Variants in NPAS3 observed in about 807,000 individuals in gnomAD.
NPAS3 encodes the protein neuronal PAS domain protein 3, also known as neuronal PAS domain-containing protein 3.
In NPAS3, 14 loss-of-function variants were observed where a neutral mutation model predicts 73.1. The observed-to-expected ratio is 0.19, with a 90% CI of 0.13 to 0.30. The LOEUF is 0.30. Ranked by LOEUF, NPAS3 falls within the 10% of genes least tolerant of loss-of-function variation. NPAS3 has a pLI of 1.00. For synonymous variants in NPAS3, 620 were observed against 541.5 expected (o/e 1.14, Z -2.01); for missense variants, 1,096 against 1,250.0 (o/e 0.88, Z 1.86).
intron 1 of NPAS3, among the ~76,000 whole-genome samples, chr14:32,954,355 G>T (rs1322207138): frequency 6.6e-6 from 1 of 152,016 alleles, no homozygotes; most frequent in East Asian, 1.9e-4. Flanking sequence ...ACTTTAACTT[G>T]TTTAAAGTTC....
intron 1 of NPAS3, among the ~76,000 whole-genome samples, chr14:32,950,513 C>A (rs2036440184): frequency 1.3e-5 from 2 of 151,988 alleles, no homozygotes; most frequent in African/African-American, 2.4e-5. Context: ...AGATCAGGAT[C>A]ATTTAAAAAA....
At chr14:33,173,351 A>G (rs752841517) in intron 2 of NPAS3, among the ~76,000 whole-genome samples, 1 of 152,228 alleles carries the variant, frequency 6.6e-6, no homozygotes, top group Non-Finnish European at 1.5e-5. Context: ...TGTTTGAAAC[A>G]TTTAAAAATG....
chr14:33,521,757 C>CA (rs1259143858), intron 4 of NPAS3, among the ~76,000 whole-genome samples: 23 of 152,206 alleles, frequency 1.5e-4, no homozygotes, highest in Admixed American at 1.3e-3. Context: ...AGGTTAGCAG[C>CA]ACATTTTTAT....
In NPAS3 at chr14:33,287,179, A is replaced by G. The variant is rs530329378; in HGVS notation, c.385+71753A>G. 3.3e-5 allele frequency among the ~76,000 whole-genome samples: 5 copies of G among 152,328 alleles called. 1 individual carries two copies. Among genetic ancestry groups the G allele is most frequent in the African/African-American group, 1.2e-4 (5 of 41,576 alleles). ...ATGTGAAAGTGGTTTTGGAATAACC[A>G]TATCTCTTGGAAATGCTGTGAAGCT... On this transcript the variant is annotated intron_variant, in intron 3 of 11. Coordinates refer to ENST00000356141, the Ensembl canonical transcript of NPAS3.
intron 6 of NPAS3, among the ~76,000 whole-genome samples, chr14:33,714,298 G>A (rs901280597): frequency 5.9e-5 from 8 of 134,456 alleles, no homozygotes; most frequent in African/African-American, 1.9e-4. Context: ...GCTCTATTAG[G>A]GAGACATTTT....
chr14:33,229,644 C>T lies in NPAS3; in HGVS notation c.385+14218C>T, dbSNP rs547694584. Among the ~76,000 whole-genome samples, 67 of 152,256 alleles carry T rather than the reference C, an allele frequency of 4.4e-4. 2 individuals are homozygous for T. In the South Asian group the frequency reaches 0.014, roughly 31 times the overall value. Reference sequence around the variant, plus strand: ...GTGAAGTCAGTCATTTCTTGGGTTGCTAGCTCAATGTTTTAGCAGAACAGC... The same window carrying T: ...GTGAAGTCAGTCATTTCTTGGGTTGTTAGCTCAATGTTTTAGCAGAACAGC... On this transcript the variant is annotated intron_variant, in intron 3 of 11. Transcript: ENST00000356141.
chr14:33,328,445 T>C (rs1428004999), intron 3 of NPAS3, among the ~76,000 whole-genome samples: 1 of 124,490 alleles, frequency 8.0e-6, no homozygotes, highest in Non-Finnish European at 1.6e-5. Context: ...CCTTTTCTTT[T>C]CTTTTTTTTT....
At chr14:33,235,153 G>A (rs1201900173) in intron 3 of NPAS3, among the ~76,000 whole-genome samples, 2 of 151,960 alleles carry the variant, frequency 1.3e-5, no homozygotes, top group East Asian at 1.9e-4. Context: ...TTTGATGAAC[G>A]AATTCCTCTA....
intron 5 of NPAS3, among the ~76,000 whole-genome samples, chr14:33,623,325 C>T (rs1351739069): frequency 6.6e-6 from 1 of 152,204 alleles, no homozygotes; most frequent in African/African-American, 2.4e-5. Flanking sequence ...CTTACTACCA[C>T]TTCCCACCCT....
intron 3 of NPAS3, among the ~76,000 whole-genome samples, chr14:33,247,928 C>T (rs1022814049): frequency 2.0e-5 from 3 of 152,196 alleles, no homozygotes; most frequent in African/African-American, 7.2e-5. Context: ...CCCAGGAGGG[C>T]AGTGTTTGCA....
intron 5 of NPAS3, among the ~76,000 whole-genome samples, chr14:33,656,819 G>C (rs112964992): frequency 2.6e-5 from 4 of 152,136 alleles, no homozygotes; most frequent in Non-Finnish European, 5.9e-5. Context: ...CTTATTCTGT[G>C]TATCTAAAAC....
At chr14:33,453,832 A>G (rs755075140) in intron 4 of NPAS3, among the ~76,000 whole-genome samples, 2 of 152,066 alleles carry the variant, frequency 1.3e-5, no homozygotes, top group Non-Finnish European at 2.9e-5. Context: ...TAATCCTCCT[A>G]ATGGTCTGAT....
rs1341057469 is a variant in NPAS3, at chr14:33,312,772, A to G, written c.386-54414A>G. Among the ~76,000 whole-genome samples, 6 of 152,188 alleles carry G rather than the reference A, an allele frequency of 3.9e-5. No individual in the cohort carries two copies. The South Asian group carries it at 1.0e-3, about 26-fold the overall frequency. On this transcript the variant is annotated intron_variant, in intron 3 of 11. Transcript: ENST00000356141. ...TTCTCAGATGTTGTGAGGATGACTG[A>G]AACAAAATCAAATAGAAAACAAAAG...
chr14:33,031,823 A>C (rs913053621), intron 1 of NPAS3, among the ~76,000 whole-genome samples: 1 of 152,248 alleles, frequency 6.6e-6, no homozygotes, highest in African/African-American at 2.4e-5. Flanking sequence ...TTTTGTGAAC[A>C]TCTATTGCAT....
intron 5 of NPAS3, among the ~76,000 whole-genome samples, chr14:33,660,401 G>A (rs2059272843): frequency 1.3e-5 from 2 of 152,196 alleles, no homozygotes; most frequent in Admixed American, 6.5e-5. Context: ...TAAAGAAAGA[G>A]CTGCAGTTGA....
chr14:33,523,057 T>G (rs975748059), intron 4 of NPAS3, among the ~76,000 whole-genome samples: 2 of 152,110 alleles, frequency 1.3e-5, no homozygotes, highest in Non-Finnish European at 2.9e-5. Context: ...CACACTCTTC[T>G]CAGCACTCTA....
intron 2 of NPAS3, among the ~76,000 whole-genome samples, chr14:33,197,258 TG>T (rs1566664416): frequency 1.0e-3 from 149 of 149,462 alleles, no homozygotes; most frequent in African/African-American, 3.1e-3. Context: ...TGTGTGTGTG[TG>T]TGTGTGTGTT....
At chr14:33,325,791 C>T (rs10141043) in intron 3 of NPAS3, among the ~76,000 whole-genome samples, 1,559 of 151,404 alleles carry the variant, frequency 0.01, 30 homozygotes, top group African/African-American at 0.036. Context: ...CTCCTCACTA[C>T]ACTTTCCAGC....
chr14:33,586,836 C>T (rs1279016510), intron 5 of NPAS3, among the ~76,000 whole-genome samples: 1 of 152,142 alleles, frequency 6.6e-6, no homozygotes, highest in African/African-American at 2.4e-5. Flanking sequence ...AGTTTGTAAA[C>T]CTGTACTTAA....
Sources: allele counts gnomAD v4.1 joint callset (sites outside exome capture counted in the v4.1 genomes callset), GRCh38; gene constraint gnomAD v4.1.1; transcripts MANE v1.5; gene names NCBI Gene and HGNC (gene_info 2026-07-23, HGNC 2026-07-21).